Variants in RPRD1B observed in about 807,000 individuals in gnomAD.
RPRD1B encodes the protein regulation of nuclear pre-mRNA domain-containing protein 1B.
Under a neutral mutation model 41.5 loss-of-function variants are expected in RPRD1B, and 11 were observed. The ratio of observed to expected loss-of-function variants is 0.27; its 90% confidence interval spans 0.17 to 0.44. The LOEUF (loss-of-function observed/expected upper bound fraction) is 0.44, where lower values mean the gene tolerates loss of function less well. Ranked by LOEUF, RPRD1B falls within the 20% of genes least tolerant of loss-of-function variation. The pLI, the probability that RPRD1B is intolerant of heterozygous loss-of-function variation, is 1.00. For synonymous variants in RPRD1B, 158 were observed against 155.6 expected (o/e 1.02, Z -0.12); for missense variants, 248 against 389.9 (o/e 0.64, Z 3.06).
chr20:38,055,041 C>G (rs1171995761), intron 3 of RPRD1B, among the ~76,000 whole-genome samples: 1 of 152,118 alleles, frequency 6.6e-6, no homozygotes, highest in African/African-American at 2.4e-5. Context: ...AGGACTATAA[C>G]CATGATTGTG....
At chr20:38,077,908 G>C (rs1361606701) in intron 6 of RPRD1B, among the ~76,000 whole-genome samples, 1 of 152,144 alleles carries the variant, frequency 6.6e-6, no homozygotes, top group Non-Finnish European at 1.5e-5. Flanking sequence ...AGGTGTGGTG[G>C]TTCACACCTG....
At chr20:38,058,847 T>A (rs1259187026) in intron 4 of RPRD1B, among the ~76,000 whole-genome samples, 1 of 152,072 alleles carries the variant, frequency 6.6e-6, no homozygotes, top group African/African-American at 2.4e-5. Context: ...GCTGGGACTA[T>A]AGACATATGC....
At chr20:38,070,450 C>T (rs1025579324) in intron 6 of RPRD1B, 46 of 985,352 alleles carry the variant, frequency 4.7e-5, no homozygotes, top group Non-Finnish European at 5.5e-5. Context: ...GCCAAAGATA[C>T]CAGAAAAGCC....
At chr20:38,088,209 T>G (rs950935244) in intron 6 of RPRD1B, among the ~76,000 whole-genome samples, 1 of 152,230 alleles carries the variant, frequency 6.6e-6, no homozygotes, top group African/African-American at 2.4e-5. Flanking sequence ...CTTGGACTTT[T>G]GTCTTTACAA....
intron 2 of RPRD1B, among the ~76,000 whole-genome samples, chr20:38,041,917 G>C (rs1568643354): frequency 6.6e-6 from 1 of 152,180 alleles, no homozygotes; most frequent in Non-Finnish European, 1.5e-5. Flanking sequence ...TAAAGTGTCT[G>C]GCACAGAGCT....
chr20:38,058,397 A>G (rs1489948565), intron 4 of RPRD1B, among the ~76,000 whole-genome samples: 1 of 141,224 alleles, frequency 7.1e-6, no homozygotes, highest in Non-Finnish European at 1.6e-5. Context: ...CAGCAGTGTT[A>G]GGTCATATAT....
chr20:38,087,100 A>G (rs2074569049), intron 6 of RPRD1B, among the ~76,000 whole-genome samples: 1 of 152,052 alleles, frequency 6.6e-6, no homozygotes, highest in Non-Finnish European at 1.5e-5. Context: ...TGCGATTAAC[A>G]GGCACCCACC....
intron 3 of RPRD1B, chr20:38,049,916 A>G (rs1314183982): frequency 2.2e-6 from 1 of 459,356 alleles, no homozygotes; most frequent in Non-Finnish European, 4.5e-6. Context: ...GCCAAACTGA[A>G]TTGCCGACAG....
chr20:38,039,593 G>T (rs544240023), intron 1 of RPRD1B, among the ~76,000 whole-genome samples: 1 of 151,344 alleles, frequency 6.6e-6, no homozygotes, highest in South Asian at 2.1e-4. Context: ...TAGTAGAGAC[G>T]GGGTTTCTCC....
At chr20:38,047,544 T>C (rs1403810012) in intron 2 of RPRD1B, among the ~76,000 whole-genome samples, 3 of 152,096 alleles carry the variant, frequency 2.0e-5, no homozygotes, top group African/African-American at 7.2e-5. Context: ...GAAGATTTCA[T>C]GGTAACAGTG....
At chr20:38,036,923 G>A (rs1448764639) in intron 1 of RPRD1B, among the ~76,000 whole-genome samples, 4 of 152,158 alleles carry the variant, frequency 2.6e-5, no homozygotes. Context: ...TTACTGGACA[G>A]TGCAGAGTTA....
chr20:38,076,621 C>T (rs1205279890), intron 6 of RPRD1B, among the ~76,000 whole-genome samples: 8 of 152,190 alleles, frequency 5.3e-5, no homozygotes, highest in Admixed American at 5.2e-4. Context: ...GTCTACATTC[C>T]ACCCAAGTGG....
chr20:38,074,751 T>C (rs1420421500), intron 6 of RPRD1B, among the ~76,000 whole-genome samples: 2 of 152,230 alleles, frequency 1.3e-5, no homozygotes, highest in Non-Finnish European at 2.9e-5. Context: ...GGTTTTTGTT[T>C]TTGTTTTTGT....
At chr20:38,054,000 A>G (rs556601826) in intron 3 of RPRD1B, among the ~76,000 whole-genome samples, 1 of 152,272 alleles carries the variant, frequency 6.6e-6, no homozygotes, top group African/African-American at 2.4e-5. Context: ...TGTATAGTCT[A>G]ACTTGGGAAA....
intron 6 of RPRD1B, among the ~76,000 whole-genome samples, chr20:38,073,328 A>G (rs1166485819): frequency 6.6e-6 from 1 of 152,102 alleles, no homozygotes; most frequent in East Asian, 1.9e-4. Flanking sequence ...AGGAGGGGAG[A>G]AATTGGCTCA....
intron 5 of RPRD1B, among the ~76,000 whole-genome samples, chr20:38,065,442 C>T (rs772605859): frequency 6.6e-5 from 10 of 152,134 alleles, no homozygotes; most frequent in Non-Finnish European, 1.3e-4. Flanking sequence ...TCTGAGGATA[C>T]CAAAATCCAA....
Position 38,073,543 on chromosome 20 carries a change from G to A in RPRD1B, c.831+7287G>A, listed in dbSNP as rs540918958. Among the ~76,000 whole-genome samples, 3 of 152,286 alleles carry A rather than the reference G, an allele frequency of 2.0e-5. No homozygotes were observed. In the East Asian group the frequency reaches 5.8e-4, roughly 29 times the overall value. On this transcript the variant is annotated intron_variant, in intron 6 of 6. Coordinates refer to ENST00000373433, the MANE Select transcript of RPRD1B (RefSeq NM_021215.4). ...GAAATTCTTTGGCTACAGTTGAAGG[G>A]GTGCTCAACCAAAATGATGGCAGAT...
intron 6 of RPRD1B, among the ~76,000 whole-genome samples, chr20:38,079,867 C>T (rs533369223): frequency 6.6e-6 from 1 of 152,138 alleles, no homozygotes; most frequent in African/African-American, 2.4e-5. Context: ...CCTTTTTCCC[C>T]ACAACCTCCC....
intron 6 of RPRD1B, among the ~76,000 whole-genome samples, chr20:38,072,225 C>G (rs2074419933): frequency 6.6e-6 from 1 of 152,126 alleles, no homozygotes; most frequent in Non-Finnish European, 1.5e-5. Flanking sequence ...CAACTTCATT[C>G]TTTTGCCTGT....
Sources: gnomAD v4.1 joint callset for allele counts (sites outside exome capture counted in the v4.1 genomes callset) on GRCh38, gnomAD v4.1.1 for gene constraint, MANE v1.5 for transcripts, NCBI Gene and HGNC (gene_info 2026-07-23, HGNC 2026-07-21) for gene names.